EFCAB5: variants seen among roughly 807,000 people sequenced by gnomAD.
The protein encoded by EFCAB5 is EF-hand calcium binding domain 5.
Under a neutral mutation model 167.9 loss-of-function variants are expected in EFCAB5, and 131 were observed. The observed-to-expected ratio is 0.78, with a 90% confidence interval of 0.68 to 0.90. The LOEUF is 0.90. Ranked by LOEUF, EFCAB5 falls within the 40% of genes least tolerant of loss-of-function variation. The pLI is 0.00. For synonymous variants in EFCAB5, 574 were observed against 602.8 expected (o/e 0.95, Z 0.70); for missense variants, 1,663 against 1,745.2 (o/e 0.95, Z 0.84).
At chr17:29,987,270 C>T (rs893701094) in intron 4 of EFCAB5, among the ~76,000 whole-genome samples, 5 of 152,112 alleles carry the variant, frequency 3.3e-5, no homozygotes, top group African/African-American at 9.7e-5. Flanking sequence ...TCTTCCTCAG[C>T]GTCAGTCTTG....
At chr17:30,070,820 C>T (rs1034157772) in intron 14 of EFCAB5, among the ~76,000 whole-genome samples, 3 of 151,424 alleles carry the variant, frequency 2.0e-5, no homozygotes, top group East Asian at 1.9e-4. Flanking sequence ...CATGGTGGCA[C>T]GTGCCTGTAG....
At position 29,994,167 on chromosome 17, in the gene EFCAB5, T is replaced by TATATATATATATAC. The variant is rs1411208091; in HGVS notation, c.924+856_924+857insATACATATATATAT. 3.5e-3 allele frequency among the ~76,000 whole-genome samples: 461 copies of TATATATATATATAC among 132,182 alleles called. 1 individual carries two copies. Among genetic ancestry groups the TATATATATATATAC allele is most frequent in the Non-Finnish European group, 5.4e-3 (333 of 61,472 alleles). The allele number at this position is 132,182 out of a possible 152,430, so 86.7% of individuals were successfully genotyped here. A position where few individuals can be genotyped will look rare whatever the true frequency, so the allele number is the denominator to read the frequency against. On this transcript the variant is annotated intron_variant, in intron 5 of 22. Transcript: ENST00000394835. Reference sequence around the variant, plus strand: ...ATATATATATATATATATATATATATATATATATATGTGATATATATATCA... The same window carrying TATATATATATATAC: ...ATATATATATATATATATATATATATATATATATATATACATATATATATGTGATATATATATCA...
chr17:29,990,370 C>T (rs979783536), intron 4 of EFCAB5, among the ~76,000 whole-genome samples: 5 of 152,126 alleles, frequency 3.3e-5, no homozygotes, highest in Non-Finnish European at 7.4e-5. Flanking sequence ...TCCAAATCCT[C>T]CTGTTCATTT....
At chr17:30,106,594 T>TC (rs1276404627) in intron 22 of EFCAB5, among the ~76,000 whole-genome samples, 1 of 152,008 alleles carries the variant, frequency 6.6e-6, no homozygotes, top group Non-Finnish European at 1.5e-5. Context: ...GTAGCTGGGA[T>TC]CACAGGTGCC....
chr17:30,078,672 T>C (rs2070920237), intron 15 of EFCAB5, among the ~76,000 whole-genome samples, 168 bp downstream of exon 15: 2 of 152,166 alleles, frequency 1.3e-5, no homozygotes, highest in African/African-American at 2.4e-5. Context: ...CTAGGAGAGA[T>C]ACAACTGGAG....
intron 8 of EFCAB5, among the ~76,000 whole-genome samples, chr17:30,036,029 T>C (rs556623246): frequency 6.8e-6 from 1 of 146,538 alleles, no homozygotes; most frequent in East Asian, 2.0e-4. Flanking sequence ...TGCATATATA[T>C]AACTATATAT....
chr17:30,087,262 C>T (rs140650556), intron 19 of EFCAB5, 96 bp downstream of exon 19: 23 of 908,924 alleles, frequency 2.5e-5, no homozygotes, highest in African/African-American at 2.5e-4. Flanking sequence ...TGCTCATACA[C>T]GCTGACTTTT....
At chr17:30,029,592 A>G (rs1441304938) in intron 7 of EFCAB5, among the ~76,000 whole-genome samples, 1 of 151,890 alleles carries the variant, frequency 6.6e-6, no homozygotes, top group Non-Finnish European at 1.5e-5. Flanking sequence ...TTCCTCCCTA[A>G]AACTGGAAAG....
intron 8 of EFCAB5, among the ~76,000 whole-genome samples, chr17:30,044,519 T>C (rs1464928274): frequency 6.6e-6 from 1 of 151,676 alleles, no homozygotes; most frequent in Non-Finnish European, 1.5e-5. Flanking sequence ...GAGTTTGCAA[T>C]GAGCCAAGAT....
At chr17:29,939,390 T>G (rs941795776), upstream of EFCAB5, among the ~76,000 whole-genome samples, 1 of 152,226 alleles carries the variant, frequency 6.6e-6, no homozygotes, top group South Asian at 2.1e-4. Context: ...GAGCATTGGT[T>G]TCAACTTAAA....
chr17:29,939,909 C>T (rs550348560), upstream of EFCAB5, among the ~76,000 whole-genome samples: 164 of 152,250 alleles, frequency 1.1e-3, no homozygotes, highest in African/African-American at 3.6e-3. Context: ...GTTCCTTCTG[C>T]TTCAAATTTC....
rs754064462 is a variant in EFCAB5, at chr17:30,053,668, T to C, written c.1714T>C (p.Ser572Pro). 3.1e-6 allele frequency: 5 copies of C among 1,611,312 alleles called. No homozygotes were observed. In the African/African-American group the frequency reaches 6.7e-5, roughly 22 times the overall value. ...LLTEQETHRE[S>P]TTEQGQHKGS... is the part of the protein sequence containing the mutation. The stretch of plus-strand genomic sequence containing the variant: ...GACAGAACAAGAAACACACAGAGAG[T>C]CAACTACAGAACAAGGACAGCACAA... The change falls in exon 10 of 23, where the codon TCA (serine) becomes CCA (proline). Residue 572 changes from serine (S) to proline (P), a missense_variant. Coordinates refer to ENST00000394835, the MANE Select transcript of EFCAB5 (RefSeq NM_198529.4).
chr17:29,943,847 T>C (rs953915221), intron 3 of EFCAB5, among the ~76,000 whole-genome samples, 198 bp downstream of exon 3: 10 of 149,940 alleles, frequency 6.7e-5, no homozygotes, highest in Non-Finnish European at 1.2e-4. Flanking sequence ...TAGTGGCGGG[T>C]GCCTGTAATC....
At chr17:29,969,442 A>C in intron 4 of EFCAB5, 75 bp downstream of exon 4, 1 of 1,264,692 alleles carries the variant, frequency 7.9e-7, no homozygotes, top group Non-Finnish European at 1.1e-6. Flanking sequence ...TAACATAATC[A>C]TGGACAGGAC....
rs752274168 is a variant in EFCAB5 at position 29,969,263 on chromosome 17, C to G, written c.663C>G (p.Asn221Lys). 4.3e-6 allele frequency: 7 copies of G among 1,613,726 alleles called. No homozygotes were observed. The Admixed American group carries it at 1.2e-4, about 27-fold the overall frequency. Residue 221 changes from asparagine (N) to lysine (K), a missense_variant, in exon 4 of 23, where the codon AAC becomes AAG. Coordinates refer to ENST00000394835, the MANE Select transcript of EFCAB5 (RefSeq NM_198529.4). ...INYLGEYLIRNNPNYIKDPGM... is the reference protein window; with the variant it reads ...INYLGEYLIRKNPNYIKDPGM... ...ATTTGGGGGAATATTTAATAAGAAA[C>G]AATCCTAATTATATCAAAGACCCAG...
chr17:30,094,547 G>A (rs1022976545), intron 22 of EFCAB5, among the ~76,000 whole-genome samples: 1 of 151,362 alleles, frequency 6.6e-6, no homozygotes, highest in Admixed American at 6.6e-5. Flanking sequence ...ACTGGGTGTG[G>A]TGGTGCACGC....
At chr17:29,999,390 T>A (rs2068613143) in intron 6 of EFCAB5, among the ~76,000 whole-genome samples, 10 of 152,124 alleles carry the variant, frequency 6.6e-5, no homozygotes, top group Admixed American at 5.2e-4. Flanking sequence ...AGTGGTTACA[T>A]CTGGGGCAGA....
intron 3 of EFCAB5, among the ~76,000 whole-genome samples, chr17:29,961,410 C>G (rs951233024): frequency 1.3e-5 from 2 of 152,102 alleles, no homozygotes; most frequent in Non-Finnish European, 2.9e-5. Context: ...ACCACATCAT[C>G]TTTTCACTTT....
chr17:30,069,804 CA>C (rs2070683689), intron 14 of EFCAB5, among the ~76,000 whole-genome samples: 1 of 152,138 alleles, frequency 6.6e-6, no homozygotes. Context: ...ACATATTCCC[CA>C]AAAAGGGATA....
Sources: gnomAD v4.1 joint callset for allele counts (sites outside exome capture counted in the v4.1 genomes callset) on GRCh38, gnomAD v4.1.1 for gene constraint, MANE v1.5 for transcripts, NCBI Gene and HGNC (gene_info 2026-07-23, HGNC 2026-07-21) for gene names.